The following HPSE2 variants were observed in gnomAD, a reference collection of about 807,000 sequenced individuals.
HPSE2 encodes the protein inactive heparanase-2.
A neutral mutation model predicts 60.5 loss-of-function variants in HPSE2; 38 were observed. The observed-to-expected ratio is 0.63, with a 90% CI of 0.48 to 0.82. The LOEUF is 0.82. HPSE2 is among the 40% of genes least tolerant of loss of function. The pLI, the probability that HPSE2 is intolerant of heterozygous loss-of-function variation, is 0.00. For missense variants in HPSE2, 713 were observed against 740.4 expected, an observed-to-expected ratio of 0.96 and a Z score of 0.43; for synonymous variants, 295 against 293.2, an observed-to-expected ratio of 1.01 and a Z score of -0.06.
intron 3 of HPSE2, among the ~76,000 whole-genome samples, chr10:98,949,561 C>T (rs1275684320): frequency 3.9e-5 from 6 of 152,172 alleles, no homozygotes; most frequent in African/African-American, 7.2e-5. Flanking sequence ...ATTCTTACAA[C>T]ATTTTAGTTC....
chr10:99,097,079 G>A (rs191957053), intron 3 of HPSE2, among the ~76,000 whole-genome samples: 5 of 152,218 alleles, frequency 3.3e-5, no homozygotes, highest in Middle Eastern at 3.4e-3. Context: ...CACTAAATCC[G>A]GCTCACTAGT....
the HPSE2 span, among the ~76,000 whole-genome samples, chr10:99,295,725 T>C: frequency 6.6e-6 from 1 of 152,202 alleles, no homozygotes; most frequent in Admixed American, 6.5e-5. Flanking sequence ...ATTATGCCTT[T>C]GGAATCAAAA....
intron 3 of HPSE2, among the ~76,000 whole-genome samples, chr10:98,982,926 A>G (rs1956242014): frequency 6.6e-6 from 1 of 152,208 alleles, no homozygotes; most frequent in Non-Finnish European, 1.5e-5. Context: ...ACAACTGCCA[A>G]GACTAGTTCG....
At chr10:99,165,667 T>A (rs1847050308) in intron 2 of HPSE2, among the ~76,000 whole-genome samples, 1 of 151,928 alleles carries the variant, frequency 6.6e-6, no homozygotes, top group Admixed American at 6.6e-5. Flanking sequence ...CTGCCTCAGC[T>A]TCCTGAGTAG....
At chr10:99,281,865 T>A in the HPSE2 span, among the ~76,000 whole-genome samples, 11 of 151,986 alleles carry the variant, frequency 7.2e-5, no homozygotes, top group Admixed American at 5.2e-4. Context: ...AGGTTGAAAG[T>A]AAGAGGATAG....
intron 3 of HPSE2, among the ~76,000 whole-genome samples, chr10:98,964,283 C>A (rs985905056): frequency 6.6e-6 from 1 of 151,928 alleles, no homozygotes; most frequent in African/African-American, 2.4e-5. Flanking sequence ...GTACAGAAAT[C>A]TAAGCTCTTT....
At chr10:98,727,790 A>C (rs2134274352) in intron 4 of HPSE2, among the ~76,000 whole-genome samples, 1 of 152,296 alleles carries the variant, frequency 6.6e-6, no homozygotes, top group South Asian at 2.1e-4. Context: ...CAGTCAAATA[A>C]AATTATTGAA....
At chr10:98,834,171 T>A (rs540851762) in intron 3 of HPSE2, among the ~76,000 whole-genome samples, 1 of 152,246 alleles carries the variant, frequency 6.6e-6, no homozygotes, top group Admixed American at 6.5e-5. Flanking sequence ...GCTTCCTTAC[T>A]ATAAGGACTC....
chr10:99,041,511 T>C (rs2487894), intron 3 of HPSE2, among the ~76,000 whole-genome samples: 99,867 of 152,022 alleles, frequency 0.66, 35,733 homozygotes, highest in Non-Finnish European at 0.78. Flanking sequence ...CACAGAGAGC[T>C]GCCTGGAGTC....
At chr10:98,496,756 C>G (rs1941853132) in intron 9 of HPSE2, among the ~76,000 whole-genome samples, 2 of 152,212 alleles carry the variant, frequency 1.3e-5, no homozygotes, top group South Asian at 4.1e-4. Context: ...TCCTATTCTA[C>G]CATCTTTCCA....
intron 5 of HPSE2, among the ~76,000 whole-genome samples, chr10:98,695,110 T>C (rs1329636107): frequency 3.3e-5 from 5 of 152,182 alleles, no homozygotes; most frequent in South Asian, 4.1e-4. Context: ...CAGAAGAGAA[T>C]TGAGTTTCTC....
At chr10:98,764,359 A>G (rs1330825120) in intron 3 of HPSE2, among the ~76,000 whole-genome samples, 1 of 152,128 alleles carries the variant, frequency 6.6e-6, no homozygotes, top group Non-Finnish European at 1.5e-5. Context: ...GAGGGGTATA[A>G]ATAAATTTGT....
intron 6 of HPSE2, among the ~76,000 whole-genome samples, chr10:98,653,451 G>C (rs1946973614): frequency 6.7e-6 from 1 of 148,764 alleles, no homozygotes; most frequent in Admixed American, 6.7e-5. Flanking sequence ...GTTTTCTCTG[G>C]TTTTAATTGA....
At chr10:98,992,946 G>A (rs35055036) in intron 3 of HPSE2, among the ~76,000 whole-genome samples, 3,134 of 152,222 alleles carry the variant, frequency 0.021, 49 homozygotes, top group Non-Finnish European at 0.032. Context: ...ATAGTTATGG[G>A]AATTTCTACA....
chr10:98,511,130 G>T (rs1226328541), intron 9 of HPSE2, among the ~76,000 whole-genome samples: 1 of 139,082 alleles, frequency 7.2e-6, no homozygotes, highest in East Asian at 2.4e-4. Flanking sequence ...ATGTGTTGCT[G>T]TTTTTTTTTT....
At chr10:98,614,855 G>T in intron 9 of HPSE2, 49 bp downstream of exon 9, 1 of 1,246,250 alleles carries the variant, frequency 8.0e-7, no homozygotes, top group Non-Finnish European at 1.2e-6. Flanking sequence ...ATGATCAAAA[G>T]AACTGAATGA....
intron 3 of HPSE2, among the ~76,000 whole-genome samples, chr10:99,107,157 C>T (rs139666981): frequency 1.7e-4 from 26 of 152,260 alleles, no homozygotes; most frequent in Middle Eastern, 3.4e-3. Context: ...AGGTGTGAGC[C>T]ACCACATCTG....
At chr10:98,989,004 T>C (rs1288972555) in intron 3 of HPSE2, among the ~76,000 whole-genome samples, 1 of 149,694 alleles carries the variant, frequency 6.7e-6, no homozygotes, top group African/African-American at 2.5e-5. Flanking sequence ...CAACAGGTGC[T>C]GGAGAGGATG....
intron 3 of HPSE2, among the ~76,000 whole-genome samples, chr10:98,819,516 C>A (rs1186676957): frequency 6.6e-6 from 1 of 150,834 alleles, no homozygotes; most frequent in Non-Finnish European, 1.5e-5. Context: ...TACCTTTTCC[C>A]ATAAGGGTAA....
Sources: allele counts gnomAD v4.1 joint callset (sites outside exome capture counted in the v4.1 genomes callset), GRCh38; gene constraint gnomAD v4.1.1; transcripts MANE v1.5; gene names NCBI Gene and HGNC (gene_info 2026-07-23, HGNC 2026-07-21).